ETV6: variants seen among roughly 807,000 people sequenced by gnomAD.
The protein encoded by ETV6 is transcription factor ETV6.
Under a neutral mutation model 51.1 loss-of-function variants are expected in ETV6, and 16 were observed. That is an observed-to-expected ratio of 0.31 (90% CI 0.21 to 0.48). ETV6 has a LOEUF of 0.48. Among genes scored for constraint, ETV6 ranks in the 20% least tolerant of loss-of-function variants. The probability of loss-of-function intolerance (pLI) is 0.99; values close to 1 mark genes in which losing one functional copy is unlikely to be tolerated. For missense variants in ETV6, 458 were observed against 594.8 expected (o/e 0.77, Z 2.39); for synonymous variants, 240 against 224.1 (o/e 1.07, Z -0.64).
rs1947366665 is a variant in ETV6 at position 11,894,722 on chromosome 12, A to G, written c.*3676A>G. Reference sequence around the variant, plus strand: ...AGTCTGAATACATTTTTGAAATAGGAACTCCCTTTTGCAAAAAAGAAACCT... The same window carrying G: ...AGTCTGAATACATTTTTGAAATAGGGACTCCCTTTTGCAAAAAAGAAACCT... On this transcript the variant is annotated 3_prime_UTR_variant, in exon 8 of 8. Transcript: ENST00000396373. The G allele has an allele frequency of 4.3e-6, 1 of 233,084 alleles. No individual in the cohort carries two copies. The highest frequency in any genetic ancestry group is 2.2e-5 in the African/African-American group (1 of 45,330). The allele number at this position is 233,084 out of a possible 1,614,324, so 14.4% of individuals were successfully genotyped here. A position where few individuals can be genotyped will look rare whatever the true frequency, so the allele number is the denominator to read the frequency against.
intron 1 of ETV6, among the ~76,000 whole-genome samples, chr12:11,668,801 A>G (rs887936395): frequency 6.6e-6 from 1 of 152,170 alleles, no homozygotes; most frequent in African/African-American, 2.4e-5. Context: ...TTAAACAAAG[A>G]CACACACAAG....
chr12:11,815,881 A>C (rs1945986002), intron 2 of ETV6, among the ~76,000 whole-genome samples: 1 of 152,226 alleles, frequency 6.6e-6, no homozygotes. Context: ...AAAATGATAC[A>C]GAAGGCAGTT....
At chr12:11,858,434 T>C (rs530729105) in intron 4 of ETV6, among the ~76,000 whole-genome samples, 1 of 152,026 alleles carries the variant, frequency 6.6e-6, no homozygotes, top group East Asian at 1.9e-4. Context: ...TGTCCTCTAG[T>C]GTTAGAACTA....
At chr12:11,820,466 TAAGC>T (rs939810179) in intron 2 of ETV6, among the ~76,000 whole-genome samples, 74 of 152,086 alleles carry the variant, frequency 4.9e-4, no homozygotes, top group African/African-American at 1.6e-3. Context: ...AAAACAAAAA[TAAGC>T]AAGAAAGAAG....
chr12:11,815,546 T>TC (rs1945979007), intron 2 of ETV6, among the ~76,000 whole-genome samples: 3 of 152,228 alleles, frequency 2.0e-5, no homozygotes, highest in Non-Finnish European at 2.9e-5. Flanking sequence ...ATCAAGCCAT[T>TC]TAGCCCCGTT....
chr12:11,812,007 A>G (rs2136420886), intron 2 of ETV6, among the ~76,000 whole-genome samples: 1 of 152,332 alleles, frequency 6.6e-6, no homozygotes, highest in African/African-American at 2.4e-5. Context: ...TTGCAATCAG[A>G]CACATGTGGC....
At chr12:11,879,152 T>C (rs535670629) in intron 5 of ETV6, among the ~76,000 whole-genome samples, 16 of 152,300 alleles carry the variant, frequency 1.1e-4, no homozygotes, top group African/African-American at 2.9e-4. Context: ...TAAACGTTAA[T>C]TTTTAGGTAA....
intron 1 of ETV6, among the ~76,000 whole-genome samples, chr12:11,655,999 A>T (rs1263157721): frequency 6.6e-6 from 1 of 152,200 alleles, no homozygotes; most frequent in South Asian, 2.1e-4. Context: ...ATAGTGATTT[A>T]TTACAAAACA....
chr12:11,657,807 C>T (rs907325526), intron 1 of ETV6, among the ~76,000 whole-genome samples: 11 of 152,190 alleles, frequency 7.2e-5, no homozygotes, highest in Non-Finnish European at 1.2e-4. Context: ...CCACGTCTTT[C>T]GATTTTGACT....
chr12:11,768,979 T>G, intron 2 of ETV6: 1 of 477,674 alleles, frequency 2.1e-6, no homozygotes, highest in Non-Finnish European at 4.2e-6. Flanking sequence ...CAAGGATTGA[T>G]TGAAGAACCC....
intron 2 of ETV6, among the ~76,000 whole-genome samples, chr12:11,767,733 T>C (rs898388411): frequency 1.3e-5 from 2 of 152,256 alleles, no homozygotes; most frequent in Non-Finnish European, 2.9e-5. Flanking sequence ...AGCAGCTGTT[T>C]ATAGGATTTA....
chr12:11,656,140 C>T (rs1219699876), intron 1 of ETV6, among the ~76,000 whole-genome samples: 1 of 152,050 alleles, frequency 6.6e-6, no homozygotes, highest in Non-Finnish European at 1.5e-5. Context: ...ACATTATATA[C>T]ATTATCTCAT....
rs374776491 is a variant in ETV6 at position 11,794,432 on chromosome 12, T to C, written c.163+41853T>C. Reference sequence around the variant, plus strand: ...TTTTCTAGTGCACGCTCCAGGCGTTTGGCGCCTCTCTGCTGCCTCCGTACT... The same window carrying C: ...TTTTCTAGTGCACGCTCCAGGCGTTCGGCGCCTCTCTGCTGCCTCCGTACT... On this transcript the variant is annotated intron_variant, in intron 2 of 7. Transcript: ENST00000396373. 2.3e-4 allele frequency among the ~76,000 whole-genome samples: 35 copies of C among 152,328 alleles called. No individual in the cohort carries two copies. The East Asian group carries it at 4.6e-3, about 20-fold the overall frequency.
chr12:11,698,582 A>G (rs1452211640), intron 1 of ETV6, among the ~76,000 whole-genome samples: 4 of 130,556 alleles, frequency 3.1e-5, no homozygotes, highest in Non-Finnish European at 3.2e-5. Flanking sequence ...GACACCCACA[A>G]CATGGCAGCC....
At chr12:11,658,699 A>G (rs1286314084) in intron 1 of ETV6, among the ~76,000 whole-genome samples, 3 of 152,240 alleles carry the variant, frequency 2.0e-5, no homozygotes, top group African/African-American at 4.8e-5. Context: ...TCAGTGCTCA[A>G]AAAAGCTCTT....
chr12:11,749,116 A>G (rs2724634), intron 1 of ETV6, among the ~76,000 whole-genome samples: 134,075 of 152,014 alleles, frequency 0.88, 61,055 homozygotes, highest in Non-Finnish European at 0.99. Flanking sequence ...TATTTTTTAC[A>G]GCATCTAAAC....
At chr12:11,889,815 T>C (rs1947259695) in intron 7 of ETV6, among the ~76,000 whole-genome samples, 1 of 152,114 alleles carries the variant, frequency 6.6e-6, no homozygotes, top group Non-Finnish European at 1.5e-5. Context: ...GGCTTTTGCA[T>C]GTGGAGGAAT....
intron 1 of ETV6, among the ~76,000 whole-genome samples, chr12:11,676,867 C>T (rs780817438): frequency 3.4e-4 from 51 of 152,200 alleles, no homozygotes; most frequent in Admixed American, 1.3e-4. Flanking sequence ...CTGTGTTTGG[C>T]TCAGTGTCTG....
chr12:11,734,776 C>T (rs1375916508), intron 1 of ETV6, among the ~76,000 whole-genome samples: 1 of 142,414 alleles, frequency 7.0e-6, no homozygotes, highest in Non-Finnish European at 1.6e-5. Context: ...GTTTAAGTAA[C>T]TTCTATGAAG....
Sources: gnomAD v4.1 joint callset for allele counts (sites outside exome capture counted in the v4.1 genomes callset) on GRCh38, gnomAD v4.1.1 for gene constraint, MANE v1.5 for transcripts, NCBI Gene and HGNC (gene_info 2026-07-23, HGNC 2026-07-21) for gene names.